The following OBI1 variants were observed in gnomAD, a reference collection of about 807,000 sequenced individuals.
OBI1 encodes ring finger protein 219.
Under a neutral mutation model 62.4 loss-of-function variants are expected in OBI1, and 59 were observed. The ratio of observed to expected loss-of-function variants is 0.95; its 90% CI spans 0.77 to 1.17. The LOEUF is 1.17. OBI1 is among the 50% of genes most tolerant of loss of function. The probability of loss-of-function intolerance (pLI) is 0.00; values close to 1 mark genes in which losing one functional copy is unlikely to be tolerated. For synonymous variants in OBI1, 302 were observed against 292.8 expected (o/e 1.03, Z -0.32); for missense variants, 875 against 830.9 (o/e 1.05, Z -0.65).
rs1876756982 is a variant in OBI1 at position 78,657,844 on chromosome 13, C to G, written c.72+1205G>C. On this transcript the variant is annotated intron_variant, in intron 1 of 5. Transcript: ENST00000282003. Reference sequence around the variant, plus strand: ...ATAGAAACATCGCTTCTTCCCTCCCCCTAGCCGTGCAGGCAGTAAGTAATA... The same window carrying G: ...ATAGAAACATCGCTTCTTCCCTCCCGCTAGCCGTGCAGGCAGTAAGTAATA... Among the ~76,000 whole-genome samples, 3 of 152,190 alleles carry G rather than the reference C, an allele frequency of 2.0e-5. No homozygotes were observed. In the South Asian group the frequency reaches 6.2e-4, roughly 31 times the overall value.
At chr13:78,652,741 C>T (rs1281380553) in intron 1 of OBI1, among the ~76,000 whole-genome samples, 1 of 152,114 alleles carries the variant, frequency 6.6e-6, no homozygotes, top group African/African-American at 2.4e-5. Flanking sequence ...GGTTCATGCT[C>T]CTATGAAAAT....
chr13:78,621,227 G>T (rs2806585), intron 5 of OBI1, among the ~76,000 whole-genome samples: 12,682 of 152,166 alleles, frequency 0.083, 1,726 homozygotes, highest in African/African-American at 0.29. Flanking sequence ...AGTTACCATG[G>T]TTTAATTTAC....
At chr13:78,646,212 T>A (rs1433469398) in intron 1 of OBI1, among the ~76,000 whole-genome samples, 2 of 152,170 alleles carry the variant, frequency 1.3e-5, no homozygotes, top group Admixed American at 1.3e-4. Flanking sequence ...TTACCTGATA[T>A]TATACTCGTG....
rs1875253611 is a variant in OBI1 at position 78,615,811 on chromosome 13, A to C, written c.1950T>G (p.Phe650Leu). 2 of 1,613,792 alleles carry C rather than the reference A, an allele frequency of 1.2e-6. No individual in the cohort carries two copies. Among genetic ancestry groups the C allele is most frequent in the African/African-American group, 2.7e-5 (2 of 74,922 alleles). The change falls in exon 6 of 6, where the codon TTT (phenylalanine) becomes TTG (leucine). Residue 650 changes from phenylalanine to leucine, a missense_variant. Coordinates refer to ENST00000282003, the MANE Select transcript of OBI1 (RefSeq NM_024546.4). ...KPPSCLFQTE[F>L]SQGILLSSSH... ...AACTGCTTAACAAAATGCCCTGGGAAAACTCTGTCTGAAACAAGCAGCTTG... is the reference window on the plus strand; with the variant it reads ...AACTGCTTAACAAAATGCCCTGGGACAACTCTGTCTGAAACAAGCAGCTTG...
At chr13:78,654,258 C>T (rs1323373066) in intron 1 of OBI1, among the ~76,000 whole-genome samples, 2 of 152,186 alleles carry the variant, frequency 1.3e-5, no homozygotes, top group African/African-American at 4.8e-5. Flanking sequence ...TTTGAATTAA[C>T]TTATTATACA....
intron 5 of OBI1, among the ~76,000 whole-genome samples, chr13:78,618,745 C>T (rs1875410908): frequency 6.6e-6 from 1 of 152,168 alleles, no homozygotes; most frequent in Admixed American, 6.5e-5. Context: ...ACAAAAGCAA[C>T]TATAATAACA....
rs149798394 is a variant in OBI1 at position 78,647,815 on chromosome 13, C to T, written c.73-2818G>A. On this transcript the variant is annotated intron_variant, in intron 1 of 5. Coordinates refer to ENST00000282003, the MANE Select transcript of OBI1 (RefSeq NM_024546.4). ...GATGGGCAGGTAATCATTTGAGTCT[C>T]GTTACAAAGAGCTCTGGTCTCAGTC... is the stretch of plus-strand genomic sequence containing the variant. Among the ~76,000 whole-genome samples the T allele has an allele frequency of 3.0e-4, 40 of 132,050 alleles. No homozygotes were observed. In the East Asian group the frequency reaches 8.2e-3, roughly 27 times the overall value. The allele number at this position is 132,050 out of a possible 152,430, so 86.6% of individuals were successfully genotyped here.
intron 5 of OBI1, among the ~76,000 whole-genome samples, chr13:78,624,390 T>C (rs895181634): frequency 2.0e-4 from 31 of 152,222 alleles, no homozygotes; most frequent in African/African-American, 7.2e-4. Flanking sequence ...AAAATCAAAG[T>C]AGAGTTTGCT....
intron 1 of OBI1, among the ~76,000 whole-genome samples, chr13:78,649,150 G>A (rs546053861): frequency 1.3e-5 from 2 of 152,212 alleles, no homozygotes; most frequent in Non-Finnish European, 2.9e-5. Context: ...GTTCAACAAG[G>A]CAGGTTTTGA....
intron 5 of OBI1, among the ~76,000 whole-genome samples, chr13:78,634,219 T>C (rs981483317): frequency 6.6e-6 from 1 of 152,174 alleles, no homozygotes; most frequent in Non-Finnish European, 1.5e-5. Flanking sequence ...CTAAATTCTA[T>C]TTCAGATAGG....
chr13:78,616,292 T>C lies in OBI1; in HGVS notation c.1469A>G (p.Asn490Ser), dbSNP rs1417050719. 1 of 1,614,016 alleles carries C rather than the reference T, an allele frequency of 6.2e-7. No individual in the cohort carries two copies. The highest frequency in any genetic ancestry group is 8.5e-7 in the Non-Finnish European group (1 of 1,179,888). Residue 490 changes from asparagine (N) to serine (S), a missense_variant, in exon 6 of 6, where the codon AAT becomes AGT. Transcript: ENST00000282003. Reference protein sequence around the residue: ...FESSEGNTIANSVGEISSKLS... With the variant: ...FESSEGNTIASSVGEISSKLS... ...TTTTGAAGATATTTCTCCAACAGAA[T>C]TTGCTATCGTGTTCCCCTCTGAACT...
chr13:78,642,497 A>G (rs545996429), intron 2 of OBI1, among the ~76,000 whole-genome samples: 37 of 152,366 alleles, frequency 2.4e-4, no homozygotes, highest in African/African-American at 8.9e-4. Flanking sequence ...GGCTGTAATT[A>G]TCACATTTGG....
chr13:78,639,952 C>G (rs1257667035), intron 3 of OBI1, among the ~76,000 whole-genome samples: 1 of 150,824 alleles, frequency 6.6e-6, no homozygotes, highest in Non-Finnish European at 1.5e-5. Flanking sequence ...GGTAACTAAC[C>G]TGCACAATGT....
rs1433059603 is a variant in OBI1 at position 78,615,335 on chromosome 13, C to A, written c.*245G>T. The stretch of plus-strand genomic sequence containing the variant: ...CAACCAACCAACCAACCCCAAAACA[C>A]AAAAATAACCTCCTCCCTAACTTCT... On this transcript the variant is annotated 3_prime_UTR_variant, in exon 6 of 6. Coordinates refer to ENST00000282003, the MANE Select transcript of OBI1 (RefSeq NM_024546.4). 6.0e-6 allele frequency: 2 copies of A among 335,538 alleles called. No homozygotes were observed. The highest frequency in any genetic ancestry group is 1.1e-5 in the Non-Finnish European group (2 of 187,346). 20.8% of individuals were successfully genotyped at this position (335,538 alleles called of 1,614,324 possible). A position where few individuals can be genotyped will look rare whatever the true frequency, so the allele number is the denominator to read the frequency against.
At chr13:78,626,656 A>T (rs1341149689) in intron 5 of OBI1, among the ~76,000 whole-genome samples, 2 of 152,246 alleles carry the variant, frequency 1.3e-5, no homozygotes, top group African/African-American at 4.8e-5. Flanking sequence ...CAGTATGATG[A>T]ATGTGGGCCC....
At chr13:78,632,845 G>A (rs1473733543) in intron 5 of OBI1, among the ~76,000 whole-genome samples, 2 of 152,128 alleles carry the variant, frequency 1.3e-5, no homozygotes, top group African/African-American at 2.4e-5. Context: ...AGCTCAAATC[G>A]CTTTTCAAGT....
intron 2 of OBI1, among the ~76,000 whole-genome samples, chr13:78,642,747 C>T (rs1183441795): frequency 2.0e-5 from 3 of 152,086 alleles, no homozygotes; most frequent in African/African-American, 4.8e-5. Flanking sequence ...ATTAGCCGGG[C>T]GTGGTGGCTG....
chr13:78,635,760 G>T (rs964134470), intron 4 of OBI1, among the ~76,000 whole-genome samples: 1 of 151,964 alleles, frequency 6.6e-6, no homozygotes, highest in African/African-American at 2.4e-5. Flanking sequence ...ATCTATCTAT[G>T]TATCTATTTA....
intron 3 of OBI1, 137 bp from the exon 4 acceptor site, chr13:78,639,208 G>GT (rs2137453577): frequency 1.2e-6 from 1 of 821,632 alleles, no homozygotes; most frequent in East Asian, 2.8e-5. Flanking sequence ...TATCAAAAGA[G>GT]TTTTGCAGGG....
Sources: allele counts gnomAD v4.1 joint callset (sites outside exome capture counted in the v4.1 genomes callset), GRCh38; gene constraint gnomAD v4.1.1; transcripts MANE v1.5; gene names NCBI Gene and HGNC (gene_info 2026-07-23, HGNC 2026-07-21).